Variants in SORL1 observed in about 807,000 individuals in gnomAD.
The protein encoded by SORL1 is sortilin related receptor 1, also known as sortilin-related receptor.
SORL1 carries 127 observed loss-of-function variants against 273.7 expected under a neutral mutation model. That is an observed-to-expected ratio of 0.46 (90% CI 0.40 to 0.54). The LOEUF is 0.54. Among genes scored for constraint, SORL1 ranks in the 20% least tolerant of loss-of-function variants. SORL1 has a pLI of 0.00. For missense variants in SORL1, 2,494 were observed against 2,846.1 expected, an observed-to-expected ratio of 0.88 and a Z score of 2.81; for synonymous variants, 1,031 against 1,067.4, an observed-to-expected ratio of 0.97 and a Z score of 0.66.
At chr11:121,542,132 C>T (rs2134884565) in intron 12 of SORL1, among the ~76,000 whole-genome samples, 1 of 152,334 alleles carries the variant, frequency 6.6e-6, no homozygotes, top group South Asian at 2.1e-4. Flanking sequence ...AAGTTGCAGA[C>T]ATCATGCTCC....
intron 32 of SORL1, among the ~76,000 whole-genome samples, chr11:121,601,583 GTTTTTTTT>G (rs11430505): frequency 7.3e-6 from 1 of 137,044 alleles, no homozygotes; most frequent in African/African-American, 2.7e-5. Flanking sequence ...TTTAATGATT[GTTTTTTTT>G]TTTTTTTTTA....
Position 121,452,767 on chromosome 11 carries a change from C to CCTCA in SORL1, c.285+151_285+152insCTCA. 1 of 622,190 alleles carries CCTCA rather than the reference C, an allele frequency of 1.6e-6. No individual in the cohort carries two copies. The highest frequency in any genetic ancestry group is 2.5e-6 in the Non-Finnish European group (1 of 395,062). The allele number at this position is 622,190 out of a possible 1,614,324, so 38.5% of individuals were successfully genotyped here. A position where few individuals can be genotyped will look rare whatever the true frequency, so the allele number is the denominator to read the frequency against. The stretch of plus-strand genomic sequence containing the variant: ...TGTTTTTTTCCTTCACGAGTACAAC[C>CCTCA]GTCAGCACTTGAATCGCATTGATCT... On this transcript the variant is annotated intron_variant, in intron 1 of 47. Coordinates refer to ENST00000260197, the MANE Select transcript of SORL1 (RefSeq NM_003105.6). The surrounding 1 kb of genome is among the most constrained non-coding windows in gnomAD (Gnocchi z 5.3).
chr11:121,620,079 G>A (rs889845197), intron 43 of SORL1, among the ~76,000 whole-genome samples, 162 bp downstream of exon 43: 10 of 152,156 alleles, frequency 6.6e-5, no homozygotes, highest in East Asian at 1.9e-4. Context: ...GATGGGGTCC[G>A]TACAGGGACC....
At position 121,559,612 on chromosome 11, in the gene SORL1, A is replaced by G. The variant is rs746510941; in HGVS notation, c.3004A>G (p.Thr1002Ala). 1 of 1,613,980 alleles carries G rather than the reference A, an allele frequency of 6.2e-7. No homozygotes were observed. The change falls in exon 21 of 48, where the codon ACG becomes GCG. Residue 1002 changes from threonine (T) to alanine (A), a missense_variant. Coordinates refer to ENST00000260197, the MANE Select transcript of SORL1 (RefSeq NM_003105.6). ...GATGGAGATTCTGGCAAACCAGCTC[A>G]CGGGGCTCATGGACATGAAGATTTT... is the stretch of plus-strand genomic sequence containing the variant. ...SQMEILANQL[T>A]GLMDMKIFYK... is the part of the protein sequence containing the mutation.
chr11:121,586,416 T>A (rs753200178), intron 27 of SORL1, 87 bp downstream of exon 27: 73 of 999,850 alleles, frequency 7.3e-5, no homozygotes, highest in Non-Finnish European at 1.1e-4. Context: ...TTTCATTTCC[T>A]CAGTACCTGC....
intron 21 of SORL1, 109 bp from the exon 22 acceptor site, chr11:121,566,831 C>T (rs1045777957): frequency 2.9e-5 from 31 of 1,071,974 alleles, no homozygotes; most frequent in Admixed American, 7.8e-5. Context: ...GAGAGCTTCT[C>T]GCTGTCCTTT....
intron 30 of SORL1, 69 bp downstream of exon 30, chr11:121,590,243 C>A: frequency 6.7e-7 from 1 of 1,482,826 alleles, no homozygotes; most frequent in Non-Finnish European, 9.1e-7. Context: ...ACCAGCTATG[C>A]AGGATGTGCC....
intron 47 of SORL1, among the ~76,000 whole-genome samples, chr11:121,628,547 G>T (rs903633641): frequency 3.9e-5 from 6 of 152,298 alleles, no homozygotes; most frequent in African/African-American, 1.4e-4. Flanking sequence ...TTCCTAACAG[G>T]CCATGTACTG....
At chr11:121,546,363 G>C (rs1862426304) in intron 14 of SORL1, among the ~76,000 whole-genome samples, 1 of 151,210 alleles carries the variant, frequency 6.6e-6, no homozygotes, top group Non-Finnish European at 1.5e-5. Context: ...GATGAGAACA[G>C]AGCTTAGCTG....
chr11:121,569,457 G>A (rs1245222915), intron 22 of SORL1, among the ~76,000 whole-genome samples: 1 of 152,174 alleles, frequency 6.6e-6, no homozygotes, highest in Non-Finnish European at 1.5e-5. Context: ...TCCCAGCAAG[G>A]AACATCCCTG....
intron 24 of SORL1, chr11:121,577,012 A>G: frequency 7.2e-7 from 1 of 1,389,282 alleles, no homozygotes. Context: ...CACTGGGATG[A>G]ATGGACAAGG....
At chr11:121,529,087 A>G (rs765319712) in intron 11 of SORL1, among the ~76,000 whole-genome samples, 1 of 151,982 alleles carries the variant, frequency 6.6e-6, no homozygotes, top group Non-Finnish European at 1.5e-5. Context: ...TTATAATAAT[A>G]TTTTCTCATG....
intron 32 of SORL1, among the ~76,000 whole-genome samples, chr11:121,603,037 A>C (rs990455751): frequency 1.1e-4 from 17 of 152,198 alleles, no homozygotes; most frequent in Admixed American, 6.5e-5. Context: ...GTCTCTCACC[A>C]CAACCAGAAA....
At chr11:121,474,815 G>A (rs1043225839) in intron 2 of SORL1, among the ~76,000 whole-genome samples, 2 of 152,246 alleles carry the variant, frequency 1.3e-5, no homozygotes, top group Non-Finnish European at 2.9e-5. Flanking sequence ...GCAAGTCGGG[G>A]TGGAGCCACC....
At chr11:121,609,206 T>G (rs546752148) in intron 38 of SORL1, 4 of 152,312 alleles carry the variant, frequency 2.6e-5, no homozygotes, top group Non-Finnish European at 5.9e-5. Context: ...TACTTTAACC[T>G]AAGCCTGTGA....
intron 31 of SORL1, among the ~76,000 whole-genome samples, chr11:121,591,660 G>GT (rs1165955644): frequency 2.6e-5 from 4 of 152,204 alleles, no homozygotes; most frequent in African/African-American, 9.6e-5. Flanking sequence ...TGGAGGTGGG[G>GT]TAGAACTTGA....
Position 121,571,147 on chromosome 11 carries a change from G to A in SORL1, c.3337+877G>A, listed in dbSNP as rs954200175. On this transcript the variant is annotated intron_variant, in intron 23 of 47. Transcript: ENST00000260197. ...GTTACAGTAGAGTGACGGGCACTGC[G>A]ATGCGGAAGTGTCATATGCATGTAG... Among the ~76,000 whole-genome samples the A allele has an allele frequency of 3.3e-5, 5 of 152,260 alleles. No individual in the cohort carries two copies. In the East Asian group the frequency reaches 9.6e-4, roughly 29 times the overall value.
At chr11:121,593,788 C>T (rs536934688) in intron 31 of SORL1, among the ~76,000 whole-genome samples, 2 of 152,250 alleles carry the variant, frequency 1.3e-5, no homozygotes, top group South Asian at 4.1e-4. Context: ...CCTTTTAGGA[C>T]GTTGCACCAT....
intron 6 of SORL1, among the ~76,000 whole-genome samples, chr11:121,506,398 C>T (rs985406453): frequency 6.6e-6 from 1 of 152,128 alleles, no homozygotes; most frequent in Non-Finnish European, 1.5e-5. Context: ...GCCTCACAAT[C>T]ATGGTGGAAG....
Sources: gnomAD v4.1 joint callset for allele counts (sites outside exome capture counted in the v4.1 genomes callset) on GRCh38, gnomAD v4.1.1 for gene constraint, Gnocchi (gnomAD v3.1) non-coding constraint, MANE v1.5 for transcripts, NCBI Gene and HGNC (gene_info 2026-07-23, HGNC 2026-07-21) for gene names.